PTPRD: variants seen among roughly 807,000 people sequenced by gnomAD.
PTPRD encodes receptor-type tyrosine-protein phosphatase delta.
Under a neutral mutation model 214.5 loss-of-function variants are expected in PTPRD, and 34 were observed. That is an observed-to-expected ratio of 0.16 (90% confidence interval 0.12 to 0.21). The LOEUF (loss-of-function observed/expected upper bound fraction) is 0.21. Among genes scored for constraint, PTPRD ranks in the 10% least tolerant of loss-of-function variants. PTPRD has a pLI of 1.00. For synonymous variants in PTPRD, 1,128 were observed against 845.7 expected (o/e 1.33, Z -5.79); for missense variants, 2,545 against 2,398.7 (o/e 1.06, Z -1.27).
chr9:9,484,105 G>T (rs1050509210), intron 8 of PTPRD, among the ~76,000 whole-genome samples: 2 of 151,494 alleles, frequency 1.3e-5, no homozygotes, highest in African/African-American at 4.8e-5. Flanking sequence ...ATTGGAAAAA[G>T]TAATGGGTTA....
At chr9:9,925,373 T>A (rs1187941302) in intron 5 of PTPRD, among the ~76,000 whole-genome samples, 1 of 152,100 alleles carries the variant, frequency 6.6e-6, no homozygotes, top group Non-Finnish European at 1.5e-5. Context: ...AGGTAATATG[T>A]CATCTCTAAC....
chr9:9,371,446 A>G (rs1320424564), intron 9 of PTPRD, among the ~76,000 whole-genome samples: 2 of 152,086 alleles, frequency 1.3e-5, no homozygotes, highest in African/African-American at 4.8e-5. Flanking sequence ...TTTCTGTGGG[A>G]TCGGTGGTAA....
intron 33 of PTPRD, among the ~76,000 whole-genome samples, chr9:8,454,847 T>A (rs1394026816): frequency 1.4e-5 from 2 of 145,152 alleles, no homozygotes; most frequent in South Asian, 4.4e-4. Flanking sequence ...TGTGTGTGTG[T>A]GAATGCCACG....
intron 3 of PTPRD, among the ~76,000 whole-genome samples, chr9:10,109,664 C>A (rs976654823): frequency 2.0e-5 from 3 of 152,226 alleles, no homozygotes; most frequent in African/African-American, 7.2e-5. Context: ...TGAATGTGTT[C>A]ACTGCTGTTA....
At chr9:9,983,973 T>A (rs1423500610) in intron 4 of PTPRD, among the ~76,000 whole-genome samples, 2 of 152,122 alleles carry the variant, frequency 1.3e-5, no homozygotes, top group Admixed American at 6.6e-5. Context: ...GTATGCCTAT[T>A]CCTTTGTCAA....
chr9:9,102,968 T>G (rs575618842), intron 10 of PTPRD, among the ~76,000 whole-genome samples: 19 of 152,358 alleles, frequency 1.2e-4, no homozygotes, highest in Non-Finnish European at 2.2e-4. Flanking sequence ...TTTATTTGTG[T>G]CTTTGGTCAG....
chr9:9,482,416 A>G (rs987595642), intron 8 of PTPRD, among the ~76,000 whole-genome samples: 9 of 152,216 alleles, frequency 5.9e-5, no homozygotes, highest in African/African-American at 2.2e-4. Context: ...TTAGGTTCAC[A>G]GCAAAATGGG....
chr9:8,593,397 T>A (rs1053014694), intron 14 of PTPRD, among the ~76,000 whole-genome samples: 1 of 152,170 alleles, frequency 6.6e-6, no homozygotes. Flanking sequence ...TGGTGAAAGG[T>A]CACACTTGTT....
chr9:9,740,851 G>C (rs2098390353), intron 6 of PTPRD, among the ~76,000 whole-genome samples: 1 of 152,252 alleles, frequency 6.6e-6, no homozygotes, highest in East Asian at 1.9e-4. Flanking sequence ...GTCAACGAAT[G>C]CTTTGACTGG....
intron 8 of PTPRD, among the ~76,000 whole-genome samples, chr9:9,472,082 CA>C (rs2094631005): frequency 6.6e-6 from 1 of 151,262 alleles, no homozygotes; most frequent in African/African-American, 2.4e-5. Context: ...TGATCTATGC[CA>C]ATATTTTAAA....
At chr9:8,787,011 T>C (rs1022489147) in intron 11 of PTPRD, among the ~76,000 whole-genome samples, 7 of 151,988 alleles carry the variant, frequency 4.6e-5, no homozygotes, top group African/African-American at 1.7e-4. Flanking sequence ...TAATATTTTC[T>C]TTTTTTTGTA....
intron 11 of PTPRD, among the ~76,000 whole-genome samples, chr9:8,934,640 C>A (rs893488379): frequency 1.4e-5 from 2 of 146,594 alleles, no homozygotes; most frequent in South Asian, 4.3e-4. Flanking sequence ...TGTTTAAGAT[C>A]TACTCTCTTA....
intron 8 of PTPRD, among the ~76,000 whole-genome samples, chr9:9,518,056 A>G (rs981678799): frequency 6.6e-6 from 1 of 152,198 alleles, no homozygotes; most frequent in Admixed American, 6.5e-5. Context: ...ATAAACATTG[A>G]TACTTTTATA....
Position 9,292,779 on chromosome 9 carries a change from G to C in PTPRD, c.-203+104670C>G, listed in dbSNP as rs116992676. On this transcript the variant is annotated intron_variant, in intron 9 of 45. Coordinates refer to ENST00000381196, the MANE Select transcript of PTPRD (RefSeq NM_002839.4). ...GACTAAACTTGTTTTTGAAGATCTT[G>C]ACAGATTTGAGGAGTACTGATCAGG... 2.7e-3 allele frequency among the ~76,000 whole-genome samples: 414 copies of C among 151,390 alleles called. 1 individual carries two copies. The highest frequency in any genetic ancestry group is 4.2e-3 in the Non-Finnish European group (282 of 67,618).
intron 5 of PTPRD, among the ~76,000 whole-genome samples, chr9:9,858,988 A>C (rs10816215): frequency 0.084 from 12,815 of 152,102 alleles, 2,037 homozygotes; most frequent in East Asian, 0.71. Flanking sequence ...TCGAATAGGA[A>C]TCCCCACCTG....
At chr9:10,015,115 T>C (rs1314739707) in intron 4 of PTPRD, among the ~76,000 whole-genome samples, 1 of 152,154 alleles carries the variant, frequency 6.6e-6, no homozygotes, top group Non-Finnish European at 1.5e-5. Flanking sequence ...TTTTCTATAA[T>C]TTACTTTTAT....
intron 10 of PTPRD, among the ~76,000 whole-genome samples, chr9:9,021,380 G>A (rs1388561092): frequency 6.6e-6 from 1 of 152,046 alleles, no homozygotes; most frequent in East Asian, 1.9e-4. Context: ...ATATTTGATT[G>A]GTACAAAAGT....
chr9:8,483,974 C>G (rs929326504), intron 30 of PTPRD, 145 bp downstream of exon 30: 1 of 1,039,542 alleles, frequency 9.6e-7, no homozygotes, highest in African/African-American at 1.6e-5. Flanking sequence ...TAAAAGAACT[C>G]GGATAGCAAA....
At chr9:10,264,798 C>T (rs1207578122) in intron 3 of PTPRD, among the ~76,000 whole-genome samples, 2 of 151,996 alleles carry the variant, frequency 1.3e-5, no homozygotes, top group Non-Finnish European at 2.9e-5. Flanking sequence ...TGCTGTGTTC[C>T]CACCCAAGTC....
Sources: gnomAD v4.1 joint callset for allele counts (sites outside exome capture counted in the v4.1 genomes callset) on GRCh38, gnomAD v4.1.1 for gene constraint, MANE v1.5 for transcripts, NCBI Gene and HGNC (gene_info 2026-07-23, HGNC 2026-07-21) for gene names.